The following AAGAB variants were observed in gnomAD, a reference collection of about 807,000 sequenced individuals.
The protein encoded by AAGAB is alpha- and gamma-adaptin-binding protein p34.
Under a neutral mutation model 44.1 loss-of-function variants are expected in AAGAB, and 38 were observed. The observed-to-expected ratio is 0.86, with a 90% confidence interval of 0.67 to 1.13. AAGAB has a LOEUF of 1.13. Ranked by LOEUF, AAGAB falls within the 50% of genes most tolerant of loss-of-function variation. The probability of loss-of-function intolerance (pLI) is 0.00; values close to 1 mark genes in which losing one functional copy is unlikely to be tolerated. For missense variants in AAGAB, 450 were observed against 373.8 expected (o/e 1.20, Z -1.68); for synonymous variants, 131 against 131.8 (o/e 0.99, Z 0.04).
rs1205374543 is a variant in AAGAB, at chr15:67,234,009, G to A, written c.451+1970C>T. On this transcript the variant is annotated intron_variant, in intron 4 of 9. Coordinates refer to ENST00000261880, the MANE Select transcript of AAGAB (RefSeq NM_024666.5). ...TGTAATCCCAGCACTTTGGGAGGCC[G>A]AGGCAGGTGGATCACGAGGTCAGGA... Among the ~76,000 whole-genome samples the A allele has an allele frequency of 4.0e-5, 6 of 151,844 alleles. No homozygotes were observed. In the East Asian group the frequency reaches 5.8e-4, roughly 15 times the overall value.
chr15:67,213,871 T>C (rs1595984792), intron 5 of AAGAB, among the ~76,000 whole-genome samples: 1 of 152,270 alleles, frequency 6.6e-6, no homozygotes, highest in Non-Finnish European at 1.5e-5. Flanking sequence ...GTATGCCTTC[T>C]ACACACAATA....
At chr15:67,210,471 G>A (rs999517195) in intron 5 of AAGAB, among the ~76,000 whole-genome samples, 1 of 149,820 alleles carries the variant, frequency 6.7e-6, no homozygotes, top group Non-Finnish European at 1.5e-5. Context: ...ATCTGAGATC[G>A]CACCACTGCA....
chr15:67,254,616 G>GT lies in AAGAB; in HGVS notation c.15dup (p.Pro6ThrfsTer35). ...GAGCAGCTGGTGACTAACGCACAGG[G>GT]TACGCCAGCAGCCATAGCTGCGCTC... is the stretch of plus-strand genomic sequence containing the variant. On this transcript the variant is annotated frameshift_variant, in exon 1 of 10. Transcript: ENST00000261880. LOFTEE classifies it high-confidence loss of function. 6.2e-7 allele frequency: 1 copy of GT among 1,605,872 alleles called. No individual in the cohort carries two copies. The highest frequency in any genetic ancestry group is 8.5e-7 in the Non-Finnish European group (1 of 1,177,948).
chr15:67,207,411 G>A, intron 7 of AAGAB, among the ~76,000 whole-genome samples: 1 of 152,144 alleles, frequency 6.6e-6, no homozygotes, highest in East Asian at 1.9e-4. Context: ...AGTTCATACT[G>A]ATACATTAGA....
rs1963571811 is a variant in AAGAB at position 67,201,603 on chromosome 15, A to G, written c.*1218T>C. Reference sequence around the variant, plus strand: ...TGTGCGGGCACCTTCCATCCACTGTACTATGTGCCAGTTCAGAGCCACAGC... The same window carrying G: ...TGTGCGGGCACCTTCCATCCACTGTGCTATGTGCCAGTTCAGAGCCACAGC... On this transcript the variant is annotated 3_prime_UTR_variant, in exon 10 of 10. Transcript: ENST00000261880. The G allele has an allele frequency of 6.6e-6, 1 of 152,376 alleles. No homozygotes were observed. Among genetic ancestry groups the G allele is most frequent in the African/African-American group, 2.4e-5 (1 of 41,450 alleles). 9.4% of individuals were successfully genotyped at this position (152,376 alleles called of 1,614,324 possible).
intron 1 of AAGAB, among the ~76,000 whole-genome samples, chr15:67,244,561 G>A (rs1485408134): frequency 1.3e-5 from 2 of 152,166 alleles, no homozygotes; most frequent in African/African-American, 2.4e-5. Context: ...CCAGCACTTT[G>A]AGAGGCCAAA....
At chr15:67,205,433 G>C (rs555111191) in intron 7 of AAGAB, among the ~76,000 whole-genome samples, 5 of 152,302 alleles carry the variant, frequency 3.3e-5, no homozygotes, top group African/African-American at 1.2e-4. Flanking sequence ...TGTTAATGTA[G>C]ACAGAATCAC....
intron 1 of AAGAB, among the ~76,000 whole-genome samples, chr15:67,241,184 G>A (rs896187531): frequency 4.0e-4 from 61 of 152,172 alleles, no homozygotes; most frequent in African/African-American, 1.4e-3. Context: ...ATACTGTTAT[G>A]GATTTTTTGT....
intron 3 of AAGAB, 87 bp from the exon 4 acceptor site, chr15:67,236,155 G>C: frequency 9.1e-7 from 1 of 1,098,920 alleles, no homozygotes; most frequent in Non-Finnish European, 1.3e-6. Flanking sequence ...ATCTCAATGT[G>C]TTTCCCTTAA....
chr15:67,213,350 T>G (rs1963867413), intron 5 of AAGAB, among the ~76,000 whole-genome samples: 2 of 152,154 alleles, frequency 1.3e-5, no homozygotes, highest in Non-Finnish European at 2.9e-5. Flanking sequence ...TTGGGATGAT[T>G]TTTTTTAACA....
At chr15:67,253,316 T>A (rs969149542) in intron 1 of AAGAB, among the ~76,000 whole-genome samples, 1 of 139,242 alleles carries the variant, frequency 7.2e-6, no homozygotes, top group Non-Finnish European at 1.5e-5. Context: ...TAGTCCCAGA[T>A]ACTTGGGAGG....
At chr15:67,232,580 C>A in intron 4 of AAGAB, 1 of 416,250 alleles carries the variant, frequency 2.4e-6, no homozygotes, top group South Asian at 2.0e-5. Flanking sequence ...AAAAAGTAGC[C>A]AAAATGTACA....
At chr15:67,255,013 CG>C (rs1965079186), upstream of AAGAB, 7 of 1,484,942 alleles carry the variant, frequency 4.7e-6, no homozygotes, top group Non-Finnish European at 6.5e-6. Flanking sequence ...AGGTCCCGCG[CG>C]CCGATTCACC....
chr15:67,207,965 A>G (rs1055123090), intron 7 of AAGAB, among the ~76,000 whole-genome samples: 1 of 152,242 alleles, frequency 6.6e-6, no homozygotes, highest in African/African-American at 2.4e-5. Flanking sequence ...AGCCGTCTGT[A>G]GCATAAAGAT....
intron 1 of AAGAB, among the ~76,000 whole-genome samples, chr15:67,250,455 G>T (rs776062276): frequency 6.6e-6 from 1 of 152,178 alleles, no homozygotes; most frequent in Non-Finnish European, 1.5e-5. Context: ...GGGATTACAG[G>T]CGTGAGCCAC....
chr15:67,213,622 T>A (rs877177), intron 5 of AAGAB, among the ~76,000 whole-genome samples: 32,434 of 152,070 alleles, frequency 0.21, 4,125 homozygotes, highest in East Asian at 0.47. Context: ...ATGACAAGCA[T>A]ATGAATTTGG....
chr15:67,215,593 C>A (rs974572674), intron 5 of AAGAB, among the ~76,000 whole-genome samples: 1 of 152,148 alleles, frequency 6.6e-6, no homozygotes, highest in Non-Finnish European at 1.5e-5. Flanking sequence ...TAAACATGTT[C>A]TTTTCCATCT....
At chr15:67,254,371 G>T in intron 1 of AAGAB, 188 bp downstream of exon 1, 2 of 1,380,938 alleles carry the variant, frequency 1.4e-6, no homozygotes, top group South Asian at 3.5e-5. Context: ...GAAGAAGGCC[G>T]AGTGGGCAGA....
chr15:67,254,375 G>A, intron 1 of AAGAB, 184 bp downstream of exon 1: 1 of 1,387,118 alleles, frequency 7.2e-7, no homozygotes, highest in Non-Finnish European at 9.4e-7. Context: ...AAGGCCGAGT[G>A]GGCAGAAAAG....
Sources: allele counts gnomAD v4.1 joint callset (sites outside exome capture counted in the v4.1 genomes callset), GRCh38; gene constraint gnomAD v4.1.1; transcripts MANE v1.5; gene names NCBI Gene and HGNC (gene_info 2026-07-23, HGNC 2026-07-21).